Variants in MYOM1 observed in about 807,000 individuals in gnomAD.
MYOM1 encodes myomesin-1.
MYOM1 carries 164 observed loss-of-function variants against 205.3 expected under a neutral mutation model. That is an observed-to-expected ratio of 0.80 (90% CI 0.70 to 0.91). The LOEUF (loss-of-function observed/expected upper bound fraction) is 0.91. Among genes scored for constraint, MYOM1 ranks in the 40% least tolerant of loss-of-function variants. The pLI is 0.00. For missense variants in MYOM1, 2,011 were observed against 2,127.3 expected (o/e 0.95, Z 1.08); for synonymous variants, 772 against 789.4 (o/e 0.98, Z 0.37).
At chr18:3,144,008 C>A (rs1159278750) in intron 13 of MYOM1, among the ~76,000 whole-genome samples, 1 of 151,230 alleles carries the variant, frequency 6.6e-6, no homozygotes, top group Non-Finnish European at 1.5e-5. Flanking sequence ...AGATCAAGAC[C>A]ATCCTGACTA....
At chr18:3,105,224 A>T (rs962538978) in intron 22 of MYOM1, among the ~76,000 whole-genome samples, 1 of 152,164 alleles carries the variant, frequency 6.6e-6, no homozygotes, top group Non-Finnish European at 1.5e-5. Context: ...GCACAAAAAC[A>T]TTATTTGCTA....
rs1424476848 is a variant in MYOM1, at chr18:3,189,741, G to C, written c.432-654C>G. ...ATAACTTGGCCAAGGTCGTCTCACT[G>C]GTTGTCTTAGTGTGTTTAAACATGA... is the stretch of plus-strand genomic sequence containing the variant. On this transcript the variant is annotated intron_variant, in intron 3 of 37. Coordinates refer to ENST00000356443, the MANE Select transcript of MYOM1 (RefSeq NM_003803.4). The surrounding 1 kb of genome is among the most constrained non-coding windows in gnomAD (Gnocchi z 4.8). Among the ~76,000 whole-genome samples, 3 of 152,288 alleles carry C rather than the reference G, an allele frequency of 2.0e-5. No individual in the cohort carries two copies. Among genetic ancestry groups the C allele is most frequent in the East Asian group, 3.9e-4 (2 of 5,190 alleles).
chr18:3,072,472 G>A (rs148077774), intron 36 of MYOM1, among the ~76,000 whole-genome samples: 3,646 of 149,210 alleles, frequency 0.024, 88 homozygotes, highest in African/African-American at 0.056. Flanking sequence ...TCCTGCCTCA[G>A]CCTCCTGAGT....
At chr18:3,193,381 C>A (rs10221441) in intron 3 of MYOM1, among the ~76,000 whole-genome samples, 350 of 141,436 alleles carry the variant, frequency 2.5e-3, no homozygotes, top group South Asian at 4.8e-3. Flanking sequence ...CACACACACA[C>A]AATAATAAAA....
intron 5 of MYOM1, among the ~76,000 whole-genome samples, chr18:3,181,436 G>A (rs1397823795): frequency 6.6e-6 from 1 of 152,144 alleles, no homozygotes; most frequent in Admixed American, 6.5e-5. Context: ...GAAAACTGTT[G>A]TAAATTGTAA....
At chr18:3,081,373 C>T (rs913664137) in intron 33 of MYOM1, among the ~76,000 whole-genome samples, 1 of 152,074 alleles carries the variant, frequency 6.6e-6, no homozygotes, top group African/African-American at 2.4e-5. Context: ...GACTAAAATC[C>T]GTTTCAAGGG....
intron 29 of MYOM1, among the ~76,000 whole-genome samples, chr18:3,088,771 T>C (rs2079185506): frequency 1.3e-5 from 2 of 152,196 alleles, no homozygotes; most frequent in Admixed American, 6.5e-5. Context: ...AGCTGGGGAA[T>C]ACCCAGGGGT....
rs2080276890 is a variant in MYOM1 at position 3,155,078 on chromosome 18, T to C, written c.1512A>G (p.Ala504=). 6.2e-7 allele frequency: 1 copy of C among 1,611,922 alleles called. No individual in the cohort carries two copies. Among genetic ancestry groups the C allele is most frequent in the Non-Finnish European group, 8.5e-7 (1 of 1,178,942 alleles). Residue 504 remains alanine, a synonymous_variant, in exon 11 of 38, where the codon GCA becomes GCG. Coordinates refer to ENST00000356443, the MANE Select transcript of MYOM1 (RefSeq NM_003803.4). ...SAYVFVRDAD[A]EIEGAPAAPL... is the part of the protein sequence containing the mutation. ...GAGCAGCTGGGGCTCCTTCAATCTC[T>C]GCATCAGCATCTGTGGAGACAGAGA...
chr18:3,146,441 C>T (rs1248423302), intron 13 of MYOM1, among the ~76,000 whole-genome samples: 12 of 152,012 alleles, frequency 7.9e-5, no homozygotes, highest in Non-Finnish European at 1.3e-4. Flanking sequence ...GTTTAGTTTG[C>T]GTTATTTATT....
In MYOM1 at chr18:3,090,638, A is replaced by G; in HGVS notation, c.4009+20T>C. 1.9e-6 allele frequency: 3 copies of G among 1,613,660 alleles called. No individual in the cohort carries two copies. Among genetic ancestry groups the G allele is most frequent in the Non-Finnish European group, 2.5e-6 (3 of 1,179,648 alleles). ...AGGGAGTAGCAAAGCCTGCTGGTTA[A>G]TGTTCCACGGAATTCTTACCATCTC... On this transcript the variant is annotated intron_variant, in intron 27 of 37. Transcript: ENST00000356443.
Position 3,135,018 on chromosome 18 carries a change from G to C in MYOM1, c.2210-194C>G. 1 of 535,166 alleles carries C rather than the reference G, an allele frequency of 1.9e-6. No individual in the cohort carries two copies. Among genetic ancestry groups the C allele is most frequent in the South Asian group, 2.2e-5 (1 of 46,324 alleles). The allele number at this position is 535,166 out of a possible 1,614,324, so 33.2% of individuals were successfully genotyped here. A position where few individuals can be genotyped will look rare whatever the true frequency, so the allele number is the denominator to read the frequency against. ...GGCTGGAGAGCAGTGGCGGGATCTC[G>C]GCTCACTGCAGCCCCCACCTCCTGG... On this transcript the variant is annotated intron_variant, in intron 15 of 37. Coordinates refer to ENST00000356443, the MANE Select transcript of MYOM1 (RefSeq NM_003803.4). The surrounding 1 kb of genome is among the most constrained non-coding windows in gnomAD (Gnocchi z 4.1).
chr18:3,232,725 CCTATAATTCA>C, the MYOM1 span, among the ~76,000 whole-genome samples: 1 of 152,136 alleles, frequency 6.6e-6, no homozygotes, highest in Non-Finnish European at 1.5e-5. Context: ...TCCATGCTTA[CCTATAATTCA>C]CCTGCAGTTG....
In MYOM1 at chr18:3,077,287, G is replaced by C. The variant is rs141040885; in HGVS notation, c.4649-1526C>G. Among the ~76,000 whole-genome samples, 1,137 of 152,124 alleles carry C rather than the reference G, an allele frequency of 7.5e-3. 4 individuals are homozygous for C. Among genetic ancestry groups the C allele is most frequent in the Middle Eastern group, 0.02 (6 of 294 alleles). ...CCCTGCCTCAGTCTCTCAAAATGTT[G>C]GGATGACAGCTGTGAGCCACCATGT... On this transcript the variant is annotated intron_variant, in intron 34 of 37. Coordinates refer to ENST00000356443, the MANE Select transcript of MYOM1 (RefSeq NM_003803.4).
At chr18:3,131,557 T>A in intron 16 of MYOM1, 61 bp from the exon 17 acceptor site, 1 of 1,484,276 alleles carries the variant, frequency 6.7e-7, no homozygotes, top group Non-Finnish European at 9.3e-7. Context: ...AGATGATTGT[T>A]AGCTTAATGG....
intron 22 of MYOM1, among the ~76,000 whole-genome samples, chr18:3,110,691 C>G (rs2079513234): frequency 6.6e-6 from 1 of 151,648 alleles, no homozygotes; most frequent in Non-Finnish European, 1.5e-5. Flanking sequence ...AACAAACAAA[C>G]AGCAATAAGC....
intron 3 of MYOM1, chr18:3,190,468 A>G (rs2080888484): frequency 6.6e-6 from 1 of 152,208 alleles, no homozygotes. Flanking sequence ...GACTATTCCT[A>G]AAACATCTGG....
chr18:3,198,713 A>T (rs1361411857), intron 2 of MYOM1, among the ~76,000 whole-genome samples: 2 of 151,348 alleles, frequency 1.3e-5, no homozygotes, highest in African/African-American at 4.9e-5. Flanking sequence ...AACCCGGAAG[A>T]GGGAGGTTGC....
chr18:3,216,198 C>T (rs761988436), intron 1 of MYOM1, among the ~76,000 whole-genome samples: 1 of 152,144 alleles, frequency 6.6e-6, no homozygotes, highest in Non-Finnish European at 1.5e-5. Flanking sequence ...AACTCAGAGG[C>T]GGAGTTTGCA....
At chr18:3,186,350 G>A (rs2080809259) in intron 5 of MYOM1, among the ~76,000 whole-genome samples, 1 of 152,210 alleles carries the variant, frequency 6.6e-6, no homozygotes, top group African/African-American at 2.4e-5. Context: ...TGACATTCAT[G>A]TAGTGTTTAT....
Sources: allele counts gnomAD v4.1 joint callset (sites outside exome capture counted in the v4.1 genomes callset), GRCh38; gene constraint gnomAD v4.1.1; non-coding constraint Gnocchi (gnomAD v3.1); transcripts MANE v1.5; gene names NCBI Gene and HGNC (gene_info 2026-07-23, HGNC 2026-07-21).